RIT2: variants seen among roughly 807,000 people sequenced by gnomAD.
RIT2 encodes the protein Ras like without CAAX 2.
A neutral mutation model predicts 23.7 loss-of-function variants in RIT2; 24 were observed. The observed-to-expected ratio is 1.01, with a 90% CI of 0.73 to 1.43. The LOEUF (loss-of-function observed/expected upper bound fraction) is 1.43, where lower values mean the gene tolerates loss of function less well. Ranked by LOEUF, RIT2 falls within the 40% of genes most tolerant of loss-of-function variation. RIT2 has a pLI of 0.00. For synonymous variants in RIT2, 107 were observed against 91.1 expected (o/e 1.17, Z -0.99); for missense variants, 236 against 266.9 (o/e 0.88, Z 0.81).
chr18:42,786,704 T>C (rs1311733145), intron 4 of RIT2, among the ~76,000 whole-genome samples: 1 of 152,170 alleles, frequency 6.6e-6, no homozygotes. Flanking sequence ...TCCAGTCACA[T>C]AGAGCTCCTC....
chr18:43,018,797 A>C (rs1428502384), intron 2 of RIT2, among the ~76,000 whole-genome samples: 1 of 152,074 alleles, frequency 6.6e-6, no homozygotes, highest in East Asian at 1.9e-4. Flanking sequence ...CCCGCAAGAA[A>C]TGCTAAGGGA....
At chr18:43,080,520 C>T (rs1312355227) in intron 1 of RIT2, among the ~76,000 whole-genome samples, 3 of 152,168 alleles carry the variant, frequency 2.0e-5, no homozygotes, top group African/African-American at 7.2e-5. Context: ...AAAAAACCTA[C>T]CTCCTTACCT....
chr18:42,755,627 AGTTATTGCTGAAAAT>A (rs1159748528), intron 4 of RIT2, among the ~76,000 whole-genome samples: 4 of 152,156 alleles, frequency 2.6e-5, no homozygotes, highest in Non-Finnish European at 4.4e-5. Flanking sequence ...AAGTAAGCTT[AGTTATTGCTGAAAAT>A]GTGTCTGTTT....
chr18:42,939,832 A>G (rs575211433), intron 3 of RIT2, among the ~76,000 whole-genome samples: 1 of 152,226 alleles, frequency 6.6e-6, no homozygotes, highest in African/African-American at 2.4e-5. Flanking sequence ...ACAAAAAACA[A>G]AATAAAAATA....
intron 4 of RIT2, among the ~76,000 whole-genome samples, chr18:42,840,605 G>A (rs541877334): frequency 5.6e-4 from 85 of 152,208 alleles, no homozygotes; most frequent in Non-Finnish European, 9.6e-4. Context: ...AGGCTCAAGC[G>A]ATTCTCTTGC....
intron 4 of RIT2, among the ~76,000 whole-genome samples, chr18:42,776,257 TATTAGATTC>T (rs1224963285): frequency 6.6e-6 from 1 of 152,196 alleles, no homozygotes; most frequent in Non-Finnish European, 1.5e-5. Context: ...GTGACAATTT[TATTAGATTC>T]ATTCATTCAC....
chr18:42,876,672 T>C (rs928823877), intron 4 of RIT2, among the ~76,000 whole-genome samples: 1 of 151,924 alleles, frequency 6.6e-6, no homozygotes, highest in African/African-American at 2.4e-5. Context: ...GTTTATGTAT[T>C]TAAAGATTCA....
chr18:43,062,701 T>G (rs1184197607), intron 1 of RIT2, among the ~76,000 whole-genome samples: 1 of 152,152 alleles, frequency 6.6e-6, no homozygotes, highest in African/African-American at 2.4e-5. Flanking sequence ...TGGGAAAAGT[T>G]AATATACTTT....
Position 42,923,670 on chromosome 18 carries a change from C to A in RIT2, c.328G>T (p.Ala110Ser). The A allele has an allele frequency of 6.2e-7, 1 of 1,613,322 alleles. No individual in the cohort carries two copies. The highest frequency in any genetic ancestry group is 8.5e-7 in the Non-Finnish European group (1 of 1,179,622). Residue 110 changes from alanine to serine, a missense_variant, in exon 4 of 5, where the codon GCT becomes TCT. Transcript: ENST00000326695. ...AAAATGAGCTCTTTAAACTTGGCAG[C>A]CTCCTGAAATGATTGACGGTCAGTG... is the stretch of plus-strand genomic sequence containing the variant. ...SVTDRQSFQE[A>S]AKFKELIFQV...
At chr18:42,889,329 C>G (rs1014499097) in intron 4 of RIT2, among the ~76,000 whole-genome samples, 96 of 152,036 alleles carry the variant, frequency 6.3e-4, no homozygotes, top group African/African-American at 2.0e-3. Context: ...ACATAAACAA[C>G]TTCTTTAGAA....
chr18:42,873,535 T>C (rs1028610453), intron 4 of RIT2, among the ~76,000 whole-genome samples: 1 of 152,178 alleles, frequency 6.6e-6, no homozygotes, highest in African/African-American at 2.4e-5. Context: ...ATATTTATTT[T>C]ATACACTTTG....
At chr18:42,787,345 C>T (rs1051816056) in intron 4 of RIT2, among the ~76,000 whole-genome samples, 1 of 151,792 alleles carries the variant, frequency 6.6e-6, no homozygotes, top group Non-Finnish European at 1.5e-5. Flanking sequence ...TTAATGGGTG[C>T]AGCACACCAA....
At chr18:43,080,832 G>A (rs1193139028) in intron 1 of RIT2, among the ~76,000 whole-genome samples, 1 of 152,112 alleles carries the variant, frequency 6.6e-6, no homozygotes, top group Non-Finnish European at 1.5e-5. Context: ...TTCCTGTTGT[G>A]TCCTGTATGC....
At chr18:42,778,645 T>C (rs1567994024) in intron 4 of RIT2, among the ~76,000 whole-genome samples, 1 of 151,980 alleles carries the variant, frequency 6.6e-6, no homozygotes. Context: ...AACTCTGCAG[T>C]CACCATTACC....
chr18:43,033,197 T>A (rs868508823), intron 2 of RIT2, among the ~76,000 whole-genome samples: 2 of 152,132 alleles, frequency 1.3e-5, no homozygotes, highest in Non-Finnish European at 2.9e-5. Context: ...CTTTTGTGCT[T>A]TGAATGAGGG....
intron 4 of RIT2, among the ~76,000 whole-genome samples, chr18:42,881,143 CCTCT>C (rs1045270608): frequency 1.3e-5 from 2 of 152,148 alleles, no homozygotes; most frequent in Non-Finnish European, 2.9e-5. Context: ...CATCCTGCTG[CCTCT>C]CTGACACTTG....
intron 1 of RIT2, among the ~76,000 whole-genome samples, chr18:43,051,792 T>C (rs566890064): frequency 3.3e-5 from 5 of 152,264 alleles, no homozygotes; most frequent in Non-Finnish European, 7.4e-5. Context: ...ACTTACAAAA[T>C]AGGAAATCAA....
chr18:43,110,551 A>G (rs556719207), intron 1 of RIT2, among the ~76,000 whole-genome samples: 332 of 152,204 alleles, frequency 2.2e-3, no homozygotes, highest in African/African-American at 7.8e-3. Context: ...AAACTTTAAA[A>G]CTGTAACCAT....
At chr18:43,066,573 A>G (rs1912775596) in intron 1 of RIT2, among the ~76,000 whole-genome samples, 1 of 152,178 alleles carries the variant, frequency 6.6e-6, no homozygotes, top group Admixed American at 6.5e-5. Flanking sequence ...TAGGTGCTGG[A>G]GAAACAAAGA....
Sources: gnomAD v4.1 joint callset for allele counts (sites outside exome capture counted in the v4.1 genomes callset) on GRCh38, gnomAD v4.1.1 for gene constraint, MANE v1.5 for transcripts, NCBI Gene and HGNC (gene_info 2026-07-23, HGNC 2026-07-21) for gene names.